TRA2B: variants seen among roughly 807,000 people sequenced by gnomAD.
TRA2B encodes the protein transformer 2 beta homolog.
Under a neutral mutation model 41.7 loss-of-function variants are expected in TRA2B, and 14 were observed. That is an observed-to-expected ratio of 0.34 (90% CI 0.22 to 0.53). The LOEUF (loss-of-function observed/expected upper bound fraction) is 0.53, where lower values mean the gene tolerates loss of function less well. TRA2B is among the 20% of genes least tolerant of loss of function. The probability of loss-of-function intolerance (pLI) is 0.95; values close to 1 mark genes in which losing one functional copy is unlikely to be tolerated. For missense variants in TRA2B, 167 were observed against 396.8 expected (o/e 0.42, Z 4.92); for synonymous variants, 130 against 128.8 (o/e 1.01, Z -0.06).
chr3:185,937,692 C>T (rs1744423047), intron 1 of TRA2B, 133 bp downstream of exon 1: 3 of 1,293,410 alleles, frequency 2.3e-6, no homozygotes, highest in Non-Finnish European at 3.3e-6. Flanking sequence ...AATGCTGTCT[C>T]CCTTGCCTGC....
At chr3:185,936,246 C>T in intron 1 of TRA2B, 1 of 985,334 alleles carries the variant, frequency 1.0e-6, no homozygotes. Context: ...ACTTTGCAGT[C>T]CAAACACCAA....
At position 185,936,846 on chromosome 3, in the gene TRA2B, C is replaced by T; in HGVS notation, c.36+979G>A. The T allele has an allele frequency of 1.2e-5, 12 of 985,370 alleles. 1 individual carries two copies. Among genetic ancestry groups the T allele is most frequent in the Non-Finnish European group, 1.4e-5 (12 of 829,932 alleles). The allele number at this position is 985,370 out of a possible 1,614,324, so 61.0% of individuals were successfully genotyped here. On this transcript the variant is annotated intron_variant, in intron 1 of 8. Coordinates refer to ENST00000453386, the MANE Select transcript of TRA2B (RefSeq NM_004593.3). ...TACCCAGAGCCCCACAGACCAGCTA[C>T]GTATGCTGTTTAAACCCTAGAACTG...
At chr3:185,930,102 C>T (rs536001217) in intron 1 of TRA2B, among the ~76,000 whole-genome samples, 3 of 152,278 alleles carry the variant, frequency 2.0e-5, no homozygotes, top group East Asian at 3.9e-4. Flanking sequence ...CCACTAGCAA[C>T]GTTTTCTCAC....
At chr3:185,932,498 C>T (rs1560014581) in intron 1 of TRA2B, among the ~76,000 whole-genome samples, 2 of 152,286 alleles carry the variant, frequency 1.3e-5, no homozygotes, top group East Asian at 3.9e-4. Context: ...AAGTCAACCA[C>T]CTACAATATG....
At position 185,935,435 on chromosome 3, in the gene TRA2B, T is replaced by C. The variant is rs542194279; in HGVS notation, c.36+2390A>G. 20 of 985,382 alleles carry C rather than the reference T, an allele frequency of 2.0e-5. No homozygotes were observed. The East Asian group carries it at 1.8e-3, about 89-fold the overall frequency. 61.0% of individuals were successfully genotyped at this position (985,382 alleles called of 1,614,324 possible). On this transcript the variant is annotated intron_variant, in intron 1 of 8. Coordinates refer to ENST00000453386, the MANE Select transcript of TRA2B (RefSeq NM_004593.3). ...TTATATTCACCCAAATGTATTCTAT[T>C]GAGTGATCAAACTGAGAATAATTTA...
chr3:185,919,527 A>G (rs1221260484), intron 6 of TRA2B, 31 bp from the exon 7 acceptor site: 2 of 1,586,972 alleles, frequency 1.3e-6, no homozygotes, highest in Admixed American at 1.8e-5. Context: ...CACAACACGC[A>G]TTCAGTTTGT....
At chr3:185,934,758 G>A in intron 1 of TRA2B, 1 of 985,450 alleles carries the variant, frequency 1.0e-6, no homozygotes, top group Middle Eastern at 5.2e-4. Context: ...AGCAGAAGAT[G>A]AGAAAAACTG....
At chr3:185,937,584 C>A (rs1744415430) in intron 1 of TRA2B, 4 of 631,676 alleles carry the variant, frequency 6.3e-6, no homozygotes, top group Non-Finnish European at 3.9e-6. Flanking sequence ...ACGGGAAAAA[C>A]GGCCGTCTCG....
chr3:185,935,943 A>G, intron 1 of TRA2B: 1 of 985,434 alleles, frequency 1.0e-6, no homozygotes, highest in South Asian at 4.7e-5. Flanking sequence ...CTCCCTCTAC[A>G]ATTCAAAGAT....
chr3:185,919,309 A>G (rs1743626124), intron 7 of TRA2B, 128 bp downstream of exon 7: 1 of 647,932 alleles, frequency 1.5e-6, no homozygotes, highest in Non-Finnish European at 2.5e-6. Context: ...CCGTTAGAAT[A>G]TTTTCATGAG....
At chr3:185,931,860 GA>G (rs1744160203) in intron 1 of TRA2B, 2 of 1,422,826 alleles carry the variant, frequency 1.4e-6, no homozygotes, top group African/African-American at 1.5e-5. Flanking sequence ...AACCTTAATA[GA>G]AAAAGAACAG....
rs1333452193 is a variant in TRA2B at position 185,922,117 on chromosome 3, G to A, written c.532C>T (p.Arg178Cys). The change falls in exon 5 of 9, where the codon CGT becomes TGT. Residue 178 changes from arginine to cysteine, a missense_variant. By Grantham distance (180) the Arg-to-Cys change is radical. Transcript: ENST00000453386. Reference sequence around the variant, plus strand: ...CCATCAAGCTCCATTCCATTGGCACGTTCTTTAGCCTTCAAAAGGTAAATA... The same window carrying A: ...CCATCAAGCTCCATTCCATTGGCACATTCTTTAGCCTTCAAAAGGTAAATA... ...NVDDAKEAKE[R>C]ANGMELDGRR... 7 of 1,611,946 alleles carry A rather than the reference G, an allele frequency of 4.3e-6. No homozygotes were observed. Among genetic ancestry groups the A allele is most frequent in the Non-Finnish European group, 5.9e-6 (7 of 1,178,922 alleles).
intron 7 of TRA2B, among the ~76,000 whole-genome samples, chr3:185,918,659 A>ATTT (rs1316304340): frequency 6.6e-6 from 1 of 152,204 alleles, no homozygotes; most frequent in Non-Finnish European, 1.5e-5. Context: ...TCCTTGCTAT[A>ATTT]TTTTAATCTA....
At position 185,921,216 on chromosome 3, in the gene TRA2B, T is replaced by G. The variant is rs181836575; in HGVS notation, c.639-29A>C. 7.1e-4 allele frequency: 1,127 copies of G among 1,597,618 alleles called. 10 individuals carry two copies. The African/African-American group carries it at 0.014, about 19-fold the overall frequency. On this transcript the variant is annotated intron_variant, in intron 5 of 8. Coordinates refer to ENST00000453386, the MANE Select transcript of TRA2B (RefSeq NM_004593.3). ...TGAAGAAAAAAATATTCAGGTGACC[T>G]CCCTTATCTTTCTGGACATGAGTTT...
At chr3:185,929,287 A>C (rs1578482646) in intron 1 of TRA2B, among the ~76,000 whole-genome samples, 1 of 152,280 alleles carries the variant, frequency 6.6e-6, no homozygotes, top group African/African-American at 2.4e-5. Context: ...ATAAGACCTA[A>C]AATTAGCACC....
At chr3:185,930,096 T>C (rs1234375109) in intron 1 of TRA2B, among the ~76,000 whole-genome samples, 1 of 152,192 alleles carries the variant, frequency 6.6e-6, no homozygotes, top group Non-Finnish European at 1.5e-5. Flanking sequence ...AATGGTCCAC[T>C]AGCAACGTTT....
intron 8 of TRA2B, 91 bp from the exon 9 acceptor site, chr3:185,917,816 T>TA: frequency 7.0e-7 from 1 of 1,421,896 alleles, no homozygotes. Context: ...ATTCTGCCAT[T>TA]AAGAAATTCC....
intron 1 of TRA2B, chr3:185,934,984 T>C: frequency 2.0e-6 from 2 of 985,456 alleles, no homozygotes; most frequent in Non-Finnish European, 2.4e-6. Context: ...AAAGACTCAC[T>C]CGTAGAAACT....
chr3:185,921,098 A>C lies in TRA2B; in HGVS notation c.722+6T>G. 1.9e-6 allele frequency: 3 copies of C among 1,613,292 alleles called. No individual in the cohort carries two copies. The highest frequency in any genetic ancestry group is 2.5e-6 in the Non-Finnish European group (3 of 1,179,400). On this transcript the variant is annotated splice_donor_region_variant and intron_variant, in intron 6 of 8. Transcript: ENST00000453386. ...CAGACGTTGACCTTTCTACCTCATA[A>C]CTTACCTGTATGATCTGCTATAGTA...
Sources: gnomAD v4.1 joint callset for allele counts (sites outside exome capture counted in the v4.1 genomes callset) on GRCh38, gnomAD v4.1.1 for gene constraint, MANE v1.5 for transcripts, NCBI Gene and HGNC (gene_info 2026-07-23, HGNC 2026-07-21) for gene names.